The following TLR3 variants were observed in gnomAD, a reference collection of about 807,000 sequenced individuals.
TLR3 encodes the protein toll-like receptor 3.
A neutral mutation model predicts 66.4 loss-of-function variants in TLR3; 43 were observed. That is an observed-to-expected ratio of 0.65 (90% CI 0.51 to 0.83). The LOEUF (loss-of-function observed/expected upper bound fraction) is 0.83. Ranked by LOEUF, TLR3 falls within the 40% of genes least tolerant of loss-of-function variation. TLR3 has a pLI of 0.00. For synonymous variants in TLR3, 397 were observed against 397.2 expected (o/e 1.00, Z 0.01); for missense variants, 982 against 1,044.6 (o/e 0.94, Z 0.83).
At chr4:186,077,974 T>A (rs1201000635) in intron 2 of TLR3, among the ~76,000 whole-genome samples, 1 of 152,192 alleles carries the variant, frequency 6.6e-6, no homozygotes, top group Non-Finnish European at 1.5e-5. Context: ...CCAAGAATAA[T>A]GTACAAATGT....
intron 1 of TLR3, among the ~76,000 whole-genome samples, chr4:186,076,042 T>C (rs2099302392): frequency 6.6e-6 from 1 of 151,968 alleles, no homozygotes; most frequent in African/African-American, 2.4e-5. Flanking sequence ...TAATCCCAGC[T>C]ACTCGGGAGG....
Position 186,084,049 on chromosome 4 carries a change from T to A in TLR3, c.2363T>A (p.Leu788Gln), listed in dbSNP as rs2099303970. 1.2e-6 allele frequency: 2 copies of A among 1,614,192 alleles called. No individual in the cohort carries two copies. Among genetic ancestry groups the A allele is most frequent in the East Asian group, 4.5e-5 (2 of 44,876 alleles). ...GAAGACCAATCTCTCAAATTTTGTC[T>A]GGAAGAAAGGGACTTTGAGGCGGGT... The part of the protein sequence containing the change: ...EKEDQSLKFC[L>Q]EERDFEAGVF... Residue 788 changes from leucine (L) to glutamine (Q), a missense_variant, in exon 4 of 5, where the codon CTG becomes CAG. Around this residue, in one of 3 missense-constraint regions of TLR3, gnomAD observed 666 missense variants for 709.0 expected, o/e 0.94. Transcript: ENST00000296795.
intron 3 of TLR3, chr4:186,081,702 C>T (rs1490700821): frequency 6.5e-6 from 1 of 152,750 alleles, no homozygotes; most frequent in Non-Finnish European, 1.5e-5. Flanking sequence ...AGAAAAAGTA[C>T]CAGGAGATGG....
chr4:186,071,584 A>G (rs1255576628), intron 1 of TLR3, among the ~76,000 whole-genome samples: 1 of 152,198 alleles, frequency 6.6e-6, no homozygotes, highest in African/African-American at 2.4e-5. Flanking sequence ...GGCATTCCTC[A>G]TGGCCTGTGG....
intron 1 of TLR3, among the ~76,000 whole-genome samples, chr4:186,075,569 G>T (rs975236214): frequency 1.3e-5 from 2 of 152,114 alleles, no homozygotes. Context: ...GTTGGAAGCT[G>T]CAGTGAGCCA....
chr4:186,083,033 C>T lies in TLR3; in HGVS notation c.1347C>T (p.Gly449=). ...ATGAAATTGGGCAAGAACTCACAGG[C>T]CAGGAATGGAGAGGTCTAGAAAATA... The part of the protein sequence containing the change: ...GLNEIGQELT[G]QEWRGLENIF... The change falls in exon 4 of 5, where the codon GGC becomes GGT. Residue 449 remains glycine (G), a synonymous_variant. Transcript: ENST00000296795. This position sits in a 1 kb window ranked among gnomAD's most constrained non-coding sequence, Gnocchi z 4.0. 6.2e-7 allele frequency: 1 copy of T among 1,614,118 alleles called. No individual in the cohort carries two copies. Among genetic ancestry groups the T allele is most frequent in the Non-Finnish European group, 8.5e-7 (1 of 1,180,038 alleles).
intron 1 of TLR3, among the ~76,000 whole-genome samples, 194 bp downstream of exon 1, chr4:186,069,442 C>G (rs555039956): frequency 6.6e-6 from 1 of 152,230 alleles, no homozygotes; most frequent in South Asian, 2.1e-4. Context: ...AAGGGTATAA[C>G]TCAGAACACA....
At position 186,077,061 on chromosome 4, in the gene TLR3, G is replaced by C; in HGVS notation, c.441+1G>C. ...AAATAATCCCTTTGTCAAGCAGAAG[G>C]TAAGTTGAAAATGTCTATTGTTACT... On this transcript the variant is annotated splice_donor_variant, in intron 2 of 4. Coordinates refer to ENST00000296795, the MANE Select transcript of TLR3 (RefSeq NM_003265.3). LOFTEE classifies it high-confidence loss of function. The C allele has an allele frequency of 6.2e-7, 1 of 1,613,032 alleles. No homozygotes were observed. Among genetic ancestry groups the C allele is most frequent in the Non-Finnish European group, 8.5e-7 (1 of 1,179,376 alleles).
intron 1 of TLR3, among the ~76,000 whole-genome samples, chr4:186,074,954 T>C (rs1387968006): frequency 6.6e-6 from 1 of 152,142 alleles, no homozygotes; most frequent in Non-Finnish European, 1.5e-5. Flanking sequence ...CGCACGGACC[T>C]GTCATCTCTT....
chr4:186,075,559 G>A (rs964180205), intron 1 of TLR3, among the ~76,000 whole-genome samples: 6 of 152,120 alleles, frequency 3.9e-5, no homozygotes, highest in Non-Finnish European at 7.4e-5. Flanking sequence ...GAGCCCGAGA[G>A]TTGGAAGCTG....
intron 2 of TLR3, 124 bp downstream of exon 2, chr4:186,077,184 T>C: frequency 9.9e-7 from 1 of 1,006,268 alleles, no homozygotes; most frequent in Admixed American, 2.6e-5. Flanking sequence ...GCCACAAATA[T>C]TGCCATTATA....
intron 1 of TLR3, among the ~76,000 whole-genome samples, chr4:186,072,879 A>G (rs896615763): frequency 1.3e-5 from 2 of 152,252 alleles, no homozygotes; most frequent in African/African-American, 2.4e-5. Flanking sequence ...AGGCACAGAC[A>G]ACACCGTATG....
chr4:186,074,164 CT>C (rs2099302011), intron 1 of TLR3, among the ~76,000 whole-genome samples: 1 of 152,146 alleles, frequency 6.6e-6, no homozygotes, highest in South Asian at 2.1e-4. Context: ...CATTCCAATC[CT>C]AGTTATTTAC....
At chr4:186,079,160 C>A (rs574482511) in intron 3 of TLR3, 129 bp downstream of exon 3, 12 of 895,012 alleles carry the variant, frequency 1.3e-5, no homozygotes, top group Non-Finnish European at 1.9e-5. Context: ...CCACCTACTG[C>A]TTGGGGGCAT....
chr4:186,081,938 T>C, intron 3 of TLR3: 1 of 245,406 alleles, frequency 4.1e-6, no homozygotes, highest in African/African-American at 2.3e-5. Context: ...AGTAAAGAAC[T>C]GCATCTGGCC....
Position 186,085,000 on chromosome 4 carries a change from C to A in TLR3, c.*127C>A. 1.3e-6 allele frequency: 1 copy of A among 768,188 alleles called. No individual in the cohort carries two copies. The highest frequency in any genetic ancestry group is 2.1e-6 in the Non-Finnish European group (1 of 467,040). The allele number at this position is 768,188 out of a possible 1,614,324, so 47.6% of individuals were successfully genotyped here. A position where few individuals can be genotyped will look rare whatever the true frequency, so the allele number is the denominator to read the frequency against. ...ATATTTGTAAATGATTATATTCTAT[C>A]ACAATTACATCTCTTCTAGGAAAAT... On this transcript the variant is annotated 3_prime_UTR_variant, in exon 5 of 5. Transcript: ENST00000296795.
At chr4:186,074,942 C>T (rs1322210812) in intron 1 of TLR3, among the ~76,000 whole-genome samples, 2 of 152,100 alleles carry the variant, frequency 1.3e-5, no homozygotes, top group Non-Finnish European at 2.9e-5. Context: ...GGGGCCACAA[C>T]ACGCACGGAC....
In TLR3 at chr4:186,083,400, A is replaced by T. The variant is rs769114608; in HGVS notation, c.1714A>T (p.Asn572Tyr). The T allele has an allele frequency of 3.1e-6, 5 of 1,614,192 alleles. No homozygotes were observed. The highest frequency in any genetic ancestry group is 3.4e-6 in the Non-Finnish European group (4 of 1,180,030). The change falls in exon 4 of 5, where the codon AAC becomes TAC. Residue 572 changes from asparagine to tyrosine, a missense_variant. Asn to Tyr is a moderately radical substitution (Grantham distance 143, BLOSUM62 -2). Transcript: ENST00000296795. The surrounding 1 kb of genome is among the most constrained non-coding windows in gnomAD (Gnocchi z 4.0). ...CCTCCACATCCTTAACTTGGAGTCC[A>T]ACGGCTTTGACGAGATCCCAGTTGA... ...SHLHILNLES[N>Y]GFDEIPVEVF...
At position 186,069,192 on chromosome 4, in the gene TLR3, C is replaced by T. The variant is rs1317337402; in HGVS notation, c.-64C>T. 6.6e-6 allele frequency: 1 copy of T among 151,988 alleles called. No individual in the cohort carries two copies. The highest frequency in any genetic ancestry group is 1.5e-5 in the Non-Finnish European group (1 of 68,006). The allele number at this position is 151,988 out of a possible 1,614,324, so 9.4% of individuals were successfully genotyped here. A position where few individuals can be genotyped will look rare whatever the true frequency, so the allele number is the denominator to read the frequency against. The stretch of plus-strand genomic sequence containing the variant: ...TGCCGTCTATTTGCCACACACTTCC[C>T]TGATGAAATGTCTGGATTTGGACTA... On this transcript the variant is annotated 5_prime_UTR_variant, in exon 1 of 5. Transcript: ENST00000296795.
Sources: gnomAD v4.1 joint callset for allele counts (sites outside exome capture counted in the v4.1 genomes callset) on GRCh38, gnomAD v4.1.1 for gene constraint, gnomAD v4.1.1 regional missense constraint, Gnocchi (gnomAD v3.1) non-coding constraint, MANE v1.5 for transcripts, NCBI Gene and HGNC (gene_info 2026-07-23, HGNC 2026-07-21) for gene names.